SLC1A3: variants seen among roughly 807,000 people sequenced by gnomAD.
The protein encoded by SLC1A3 is excitatory amino acid transporter 1.
A neutral mutation model predicts 48.1 loss-of-function variants in SLC1A3; 21 were observed. That is an observed-to-expected ratio of 0.44 (90% CI 0.31 to 0.63). SLC1A3 has a LOEUF of 0.63. Among genes scored for constraint, SLC1A3 ranks in the 20% least tolerant of loss-of-function variants. The probability of loss-of-function intolerance (pLI) is 0.08; values close to 1 mark genes in which losing one functional copy is unlikely to be tolerated. For synonymous variants in SLC1A3, 239 were observed against 251.4 expected (o/e 0.95, Z 0.47); for missense variants, 546 against 689.0 (o/e 0.79, Z 2.32).
At position 36,660,533 on chromosome 5, in the gene SLC1A3, G is replaced by T. The variant is rs374800647; in HGVS notation, c.320-10496G>T. ...ATATCAGCAATTATTCAATTCCATT[G>T]CTGCCCTTGGACCTGGGGGCAAAAA... is the stretch of plus-strand genomic sequence containing the variant. On this transcript the variant is annotated intron_variant, in intron 3 of 9. Transcript: ENST00000265113. Among the ~76,000 whole-genome samples, 25 of 152,352 alleles carry T rather than the reference G, an allele frequency of 1.6e-4. 1 individual carries two copies. In the South Asian group the frequency reaches 5.2e-3, roughly 32 times the overall value.
chr5:36,615,576 G>A (rs1739395943), intron 2 of SLC1A3, among the ~76,000 whole-genome samples: 1 of 152,150 alleles, frequency 6.6e-6, no homozygotes. Flanking sequence ...AACACAGTGA[G>A]GACACACTTT....
chr5:36,609,081 C>T (rs1350261089), intron 2 of SLC1A3: 10 of 987,588 alleles, frequency 1.0e-5, no homozygotes, highest in East Asian at 1.1e-4. Flanking sequence ...GCACAGAGAC[C>T]GAATATTTTA....
intron 1 of SLC1A3, among the ~76,000 whole-genome samples, chr5:36,598,814 G>A (rs1306257072): frequency 1.3e-5 from 2 of 152,104 alleles, no homozygotes; most frequent in African/African-American, 4.8e-5. Flanking sequence ...TAGAGACTGG[G>A]ACTGGGTTTT....
intron 3 of SLC1A3, among the ~76,000 whole-genome samples, chr5:36,670,122 T>C (rs928586865): frequency 2.0e-5 from 3 of 152,180 alleles, no homozygotes; most frequent in African/African-American, 7.2e-5. Flanking sequence ...TTTTGTCTTT[T>C]CCAATAGTTT....
At chr5:36,625,405 C>T (rs1420942892) in intron 2 of SLC1A3, among the ~76,000 whole-genome samples, 17 of 152,020 alleles carry the variant, frequency 1.1e-4, no homozygotes, top group Admixed American at 7.2e-4. Flanking sequence ...TGCAGTGAGC[C>T]GAGATTGTGC....
At chr5:36,614,711 G>C (rs1460596605) in intron 2 of SLC1A3, among the ~76,000 whole-genome samples, 1 of 152,152 alleles carries the variant, frequency 6.6e-6, no homozygotes, top group Non-Finnish European at 1.5e-5. Flanking sequence ...GCCAATCTGA[G>C]TGTTCACCAC....
chr5:36,608,850 A>G, intron 2 of SLC1A3: 1 of 1,253,790 alleles, frequency 8.0e-7, no homozygotes, highest in Non-Finnish European at 1.0e-6. Flanking sequence ...AGAAAAATAA[A>G]TAAAATATTT....
intron 2 of SLC1A3, among the ~76,000 whole-genome samples, chr5:36,620,240 C>G (rs1277309023): frequency 6.6e-6 from 1 of 152,138 alleles, no homozygotes; most frequent in African/African-American, 2.4e-5. Flanking sequence ...CATCGCCTAC[C>G]CTAAGTTACT....
chr5:36,621,554 A>G (rs1739671523), intron 2 of SLC1A3, among the ~76,000 whole-genome samples: 1 of 152,186 alleles, frequency 6.6e-6, no homozygotes, highest in Admixed American at 6.5e-5. Context: ...CAGAGAAACC[A>G]GTTAGAAGAC....
intron 3 of SLC1A3, among the ~76,000 whole-genome samples, chr5:36,634,879 G>A (rs1289951313): frequency 2.6e-5 from 4 of 152,222 alleles, no homozygotes; most frequent in Admixed American, 1.3e-4. Context: ...CTCAAAGTAC[G>A]GTCCTTTGGC....
chr5:36,655,269 G>A (rs1298900517), intron 3 of SLC1A3, among the ~76,000 whole-genome samples: 1 of 152,156 alleles, frequency 6.6e-6, no homozygotes, highest in Non-Finnish European at 1.5e-5. Flanking sequence ...TCAGGTGTAA[G>A]GTCTCTCTTT....
chr5:36,627,432 C>T (rs1046728386), intron 2 of SLC1A3, among the ~76,000 whole-genome samples: 1 of 151,948 alleles, frequency 6.6e-6, no homozygotes, highest in South Asian at 2.1e-4. Flanking sequence ...AAAGCAATTT[C>T]GTAACATGGA....
At chr5:36,670,687 C>T in intron 3 of SLC1A3, 1 of 397,696 alleles carries the variant, frequency 2.5e-6, no homozygotes, top group South Asian at 2.2e-5. Flanking sequence ...ACACGCACTA[C>T]TCACACTCAT....
At chr5:36,605,495 C>A (rs1738895896), upstream of SLC1A3, among the ~76,000 whole-genome samples, 1 of 152,094 alleles carries the variant, frequency 6.6e-6, no homozygotes, top group South Asian at 2.1e-4. Flanking sequence ...GGAGATATTT[C>A]TTTATGATCT....
intron 1 of SLC1A3, among the ~76,000 whole-genome samples, chr5:36,599,282 A>G (rs991855854): frequency 5.9e-5 from 9 of 152,228 alleles, no homozygotes; most frequent in South Asian, 2.1e-4. Flanking sequence ...GGGAGTGCCA[A>G]CTCTAGACTC....
Position 36,622,057 on chromosome 5 carries a change from C to T in SLC1A3, c.182-7393C>T, listed in dbSNP as rs181152040. 1.1e-4 allele frequency among the ~76,000 whole-genome samples: 17 copies of T among 152,326 alleles called. No individual in the cohort carries two copies. The East Asian group carries it at 3.3e-3, about 29-fold the overall frequency. ...ACCAGTGAGTGGTGTGCTATCAACACTGTGATTTTCCTTGAGCCACGAAAA... is the reference window on the plus strand; with the variant it reads ...ACCAGTGAGTGGTGTGCTATCAACATTGTGATTTTCCTTGAGCCACGAAAA... On this transcript the variant is annotated intron_variant, in intron 2 of 9. Transcript: ENST00000265113.
At chr5:36,655,975 T>C (rs2111866028) in intron 3 of SLC1A3, among the ~76,000 whole-genome samples, 1 of 152,304 alleles carries the variant, frequency 6.6e-6, no homozygotes, top group East Asian at 1.9e-4. Context: ...TGCTCCTCAG[T>C]AATCAGATAA....
intron 3 of SLC1A3, among the ~76,000 whole-genome samples, chr5:36,660,197 GA>G (rs1315909374): frequency 1.2e-4 from 19 of 152,170 alleles, no homozygotes; most frequent in African/African-American, 2.4e-5. Flanking sequence ...CCAGATTAAA[GA>G]ATTATTTTAC....
At chr5:36,673,225 A>C (rs918444744) in intron 4 of SLC1A3, among the ~76,000 whole-genome samples, 1 of 152,202 alleles carries the variant, frequency 6.6e-6, no homozygotes, top group African/African-American at 2.4e-5. Flanking sequence ...GATAACGTGC[A>C]ACTGCTGGAT....
Sources: gnomAD v4.1 joint callset for allele counts (sites outside exome capture counted in the v4.1 genomes callset) on GRCh38, gnomAD v4.1.1 for gene constraint, MANE v1.5 for transcripts, NCBI Gene and HGNC (gene_info 2026-07-23, HGNC 2026-07-21) for gene names.